SDCCAG8: variants seen among roughly 807,000 people sequenced by gnomAD.
The protein encoded by SDCCAG8 is serologically defined colon cancer antigen 8.
In SDCCAG8, 74 loss-of-function variants were observed where a neutral mutation model predicts 101.8. That is an observed-to-expected ratio of 0.73 (90% CI 0.60 to 0.88). The LOEUF (loss-of-function observed/expected upper bound fraction) is 0.88. SDCCAG8 is among the 40% of genes least tolerant of loss of function. SDCCAG8 has a pLI of 0.00. For missense variants in SDCCAG8, 787 were observed against 822.6 expected, an observed-to-expected ratio of 0.96 and a Z score of 0.53; for synonymous variants, 281 against 292.9, an observed-to-expected ratio of 0.96 and a Z score of 0.41.
chr1:243,497,902 G>A (rs531049927), intron 17 of SDCCAG8, among the ~76,000 whole-genome samples: 2 of 152,168 alleles, frequency 1.3e-5, no homozygotes, highest in African/African-American at 4.8e-5. Context: ...GGCTGGTCTC[G>A]AACTCCTGGA....
At chr1:243,368,523 G>T (rs149261137) in intron 12 of SDCCAG8, among the ~76,000 whole-genome samples, 1 of 152,098 alleles carries the variant, frequency 6.6e-6, no homozygotes, top group Non-Finnish European at 1.5e-5. Flanking sequence ...AATGTTTTGA[G>T]TTTATTACCT....
chr1:243,466,063 A>C (rs185917109), intron 16 of SDCCAG8, among the ~76,000 whole-genome samples: 31 of 152,352 alleles, frequency 2.0e-4, no homozygotes, highest in Admixed American at 1.6e-3. Context: ...AAAGCGTTGA[A>C]ATAGCAATGC....
intron 10 of SDCCAG8, among the ~76,000 whole-genome samples, chr1:243,335,549 C>A (rs1364449522): frequency 6.6e-6 from 1 of 152,176 alleles, no homozygotes; most frequent in South Asian, 2.1e-4. Flanking sequence ...TCATATGTAA[C>A]AGAACCTCTC....
intron 13 of SDCCAG8, among the ~76,000 whole-genome samples, chr1:243,413,707 C>T (rs2080351033): frequency 1.3e-5 from 2 of 152,262 alleles, no homozygotes; most frequent in South Asian, 4.1e-4. Flanking sequence ...ATTTATGTCA[C>T]CCAATTGTTA....
At chr1:243,376,404 G>A (rs560617102) in intron 12 of SDCCAG8, among the ~76,000 whole-genome samples, 33 of 152,244 alleles carry the variant, frequency 2.2e-4, no homozygotes, top group African/African-American at 7.2e-4. Flanking sequence ...CCTGATTTGC[G>A]TTGGCTGTTA....
chr1:243,368,243 AAAG>A (rs1425421238), intron 12 of SDCCAG8, among the ~76,000 whole-genome samples: 1 of 151,944 alleles, frequency 6.6e-6, no homozygotes, highest in Non-Finnish European at 1.5e-5. Flanking sequence ...AGAGAAAAGA[AAAG>A]AAGGGCCAAA....
intron 16 of SDCCAG8, among the ~76,000 whole-genome samples, chr1:243,437,147 T>C (rs2082187830): frequency 6.6e-6 from 1 of 152,232 alleles, no homozygotes; most frequent in South Asian, 2.1e-4. Flanking sequence ...TTAAATCTGA[T>C]TTTTCATTTC....
intron 16 of SDCCAG8, among the ~76,000 whole-genome samples, chr1:243,437,981 C>G (rs868414345): frequency 6.6e-5 from 10 of 152,230 alleles, no homozygotes; most frequent in South Asian, 2.1e-4. Context: ...TTGCCTCTCA[C>G]CTTCTCCTGG....
rs1015054337 is a variant in SDCCAG8 at position 243,266,417 on chromosome 1, A to G, written c.68-3688A>G. On this transcript the variant is annotated intron_variant, in intron 1 of 17. Coordinates refer to ENST00000366541, the MANE Select transcript of SDCCAG8 (RefSeq NM_006642.5). Reference sequence around the variant, plus strand: ...CTGCAACCTCCGCCCCCCGGCTTCAAGCAACTCTGTTGCCTCAGCCTCCCC... The same window carrying G: ...CTGCAACCTCCGCCCCCCGGCTTCAGGCAACTCTGTTGCCTCAGCCTCCCC... 6.6e-5 allele frequency among the ~76,000 whole-genome samples: 10 copies of G among 151,822 alleles called. 1 individual carries two copies. The highest frequency in any genetic ancestry group is 5.9e-4 in the Admixed American group (9 of 15,256).
At chr1:243,268,086 T>C (rs1361431063) in intron 1 of SDCCAG8, 2 of 729,984 alleles carry the variant, frequency 2.7e-6, no homozygotes, top group East Asian at 2.5e-5. Flanking sequence ...TGCTTCATGG[T>C]TGTATAGTTC....
chr1:243,310,608 A>T (rs1573183543), intron 8 of SDCCAG8, among the ~76,000 whole-genome samples: 1 of 152,202 alleles, frequency 6.6e-6, no homozygotes, highest in Non-Finnish European at 1.5e-5. Flanking sequence ...TGACGTGAAA[A>T]GTGGAAGTCA....
rs199645900 is a variant in SDCCAG8, at chr1:243,480,810, A to G, written c.1986-8204A>G. Among the ~76,000 whole-genome samples, 17 of 78,750 alleles carry G rather than the reference A, an allele frequency of 2.2e-4. 1 individual carries two copies. In the South Asian group the frequency reaches 8.6e-3, roughly 40 times the overall value. 51.7% of individuals were successfully genotyped at this position (78,750 alleles called of 152,430 possible). A position where few individuals can be genotyped will look rare whatever the true frequency, so the allele number is the denominator to read the frequency against. On this transcript the variant is annotated intron_variant, in intron 16 of 17. Transcript: ENST00000366541. ...ATGGGTGGGATGGATGGATGGATGG[A>G]TGGGTGGGATGGATGGATGGATGGA...
At chr1:243,359,176 C>T (rs983370608) in intron 12 of SDCCAG8, among the ~76,000 whole-genome samples, 1 of 152,068 alleles carries the variant, frequency 6.6e-6, no homozygotes, top group Non-Finnish European at 1.5e-5. Flanking sequence ...CACGTCAGTC[C>T]AATTCTGAAG....
chr1:243,357,394 A>G (rs1242454750), intron 12 of SDCCAG8, among the ~76,000 whole-genome samples: 2 of 152,192 alleles, frequency 1.3e-5, no homozygotes, highest in African/African-American at 2.4e-5. Flanking sequence ...ACCAAGAAAA[A>G]AAAAAAGAAG....
chr1:243,352,713 A>T (rs2076148098), intron 12 of SDCCAG8, among the ~76,000 whole-genome samples: 1 of 152,270 alleles, frequency 6.6e-6, no homozygotes, highest in South Asian at 2.1e-4. Context: ...CATTAACAGA[A>T]GCCAGTAGTT....
chr1:243,420,268 G>A (rs1227593326), intron 15 of SDCCAG8, among the ~76,000 whole-genome samples: 1 of 152,182 alleles, frequency 6.6e-6, no homozygotes, highest in African/African-American at 2.4e-5. Context: ...AAGCCACACT[G>A]CAGGATTGTT....
chr1:243,433,689 C>T (rs2081951440), intron 16 of SDCCAG8, among the ~76,000 whole-genome samples: 3 of 152,126 alleles, frequency 2.0e-5, no homozygotes, highest in Admixed American at 1.3e-4. Context: ...TCAAAAACTT[C>T]CACTGCCCCT....
At chr1:243,375,943 G>A (rs574896113) in intron 12 of SDCCAG8, among the ~76,000 whole-genome samples, 72 of 152,246 alleles carry the variant, frequency 4.7e-4, no homozygotes, top group Non-Finnish European at 9.1e-4. Context: ...TTGATTATCT[G>A]CACCAATAAG....
chr1:243,267,603 A>T (rs902831512), intron 1 of SDCCAG8: 5 of 576,266 alleles, frequency 8.7e-6, no homozygotes, highest in Admixed American at 7.5e-5. Flanking sequence ...ACTCCCTCTC[A>T]AGAAAAAAAA....
Sources: allele counts gnomAD v4.1 joint callset (sites outside exome capture counted in the v4.1 genomes callset), GRCh38; gene constraint gnomAD v4.1.1; transcripts MANE v1.5; gene names NCBI Gene and HGNC (gene_info 2026-07-23, HGNC 2026-07-21).